BRIP1: variants seen among roughly 807,000 people sequenced by gnomAD.
BRIP1 encodes Fanconi anemia group J protein.
BRIP1 carries 88 observed loss-of-function variants against 119.7 expected under a neutral mutation model. The observed-to-expected ratio is 0.74, with a 90% CI of 0.62 to 0.88. BRIP1 has a LOEUF of 0.88. BRIP1 is among the 40% of genes least tolerant of loss of function. The pLI, the probability that BRIP1 is intolerant of heterozygous loss-of-function variation, is 0.00. For synonymous variants in BRIP1, 443 were observed against 496.5 expected, an observed-to-expected ratio of 0.89 and a Z score of 1.43; for missense variants, 1,259 against 1,455.4, an observed-to-expected ratio of 0.87 and a Z score of 2.20.
At position 61,686,256 on chromosome 17, in the gene BRIP1, G is replaced by T; in HGVS notation, c.2576-91C>A. 2 of 1,183,736 alleles carry T rather than the reference G, an allele frequency of 1.7e-6. No homozygotes were observed. Among genetic ancestry groups the T allele is most frequent in the Non-Finnish European group, 2.5e-6 (2 of 800,414 alleles). The allele number at this position is 1,183,736 out of a possible 1,614,324, so 73.3% of individuals were successfully genotyped here. A position where few individuals can be genotyped will look rare whatever the true frequency, so the allele number is the denominator to read the frequency against. On this transcript the variant is annotated intron_variant, in intron 18 of 19. Transcript: ENST00000259008. This position sits in a 1 kb window ranked among gnomAD's most constrained non-coding sequence, Gnocchi z 5.4. ...TAATACACTTGCTTTTTCTAGTGAA[G>T]TAACCTAATTTGTATTTTGAATATA...
rs1461970263 is a variant in BRIP1 at position 61,725,910 on chromosome 17, T to C, written c.2380-9847A>G. ...CCAAAGCTGTGGGATTAAGGTGTTA[T>C]CCACCATGCCTGGCCTAAAAAATTC... On this transcript the variant is annotated intron_variant, in intron 16 of 19. Coordinates refer to ENST00000259008, the MANE Select transcript of BRIP1 (RefSeq NM_032043.3). The surrounding 1 kb of genome is among the most constrained non-coding windows in gnomAD (Gnocchi z 5.3). 6.6e-6 allele frequency among the ~76,000 whole-genome samples: 1 copy of C among 152,186 alleles called. No individual in the cohort carries two copies. The highest frequency in any genetic ancestry group is 1.5e-5 in the Non-Finnish European group (1 of 68,016).
rs576876875 is a variant in BRIP1 at position 61,808,842 on chromosome 17, A to G, written c.628-85T>C. The G allele has an allele frequency of 7.6e-7, 1 of 1,320,422 alleles. No homozygotes were observed. Among genetic ancestry groups the G allele is most frequent in the South Asian group, 1.2e-5 (1 of 81,588 alleles). The allele number at this position is 1,320,422 out of a possible 1,614,324, so 81.8% of individuals were successfully genotyped here. ...ACCTCACATGGAATCAGAACCTGTA[A>G]GTAATGAATCACAATGGTCAAATAA... On this transcript the variant is annotated intron_variant, in intron 6 of 19. Coordinates refer to ENST00000259008, the MANE Select transcript of BRIP1 (RefSeq NM_032043.3). This position sits in a 1 kb window ranked among gnomAD's most constrained non-coding sequence, Gnocchi z 4.1.
At position 61,683,060 on chromosome 17, in the gene BRIP1, G is replaced by A. The variant is rs1178725210; in HGVS notation, c.*236C>T. On this transcript the variant is annotated 3_prime_UTR_variant, in exon 20 of 20. Coordinates refer to ENST00000259008, the MANE Select transcript of BRIP1 (RefSeq NM_032043.3). This position sits in a 1 kb window ranked among gnomAD's most constrained non-coding sequence, Gnocchi z 4.7. ...GGCAGGAGAATCACTTGAACCTGGA[G>A]GTGAAGGTTGCAGTGAGCCCAGAGC... The A allele has an allele frequency of 6.5e-6, 3 of 464,370 alleles. No homozygotes were observed. Among genetic ancestry groups the A allele is most frequent in the Non-Finnish European group, 7.6e-6 (2 of 261,500 alleles). The allele number at this position is 464,370 out of a possible 1,614,324, so 28.8% of individuals were successfully genotyped here. A position where few individuals can be genotyped will look rare whatever the true frequency, so the allele number is the denominator to read the frequency against.
Position 61,688,407 on chromosome 17 carries a change from G to A in BRIP1, c.2576-2242C>T, listed in dbSNP as rs1041012466. Among the ~76,000 whole-genome samples the A allele has an allele frequency of 6.6e-5, 10 of 152,238 alleles. No individual in the cohort carries two copies. In the South Asian group the frequency reaches 2.1e-3, roughly 32 times the overall value. On this transcript the variant is annotated intron_variant, in intron 18 of 19. Transcript: ENST00000259008. Reference sequence around the variant, plus strand: ...GAGGTGGGAGAATCCCTTGAACCCAGGAAGCCGAGGCTGCAATGAGCTGAG... The same window carrying A: ...GAGGTGGGAGAATCCCTTGAACCCAAGAAGCCGAGGCTGCAATGAGCTGAG...
intron 10 of BRIP1, among the ~76,000 whole-genome samples, chr17:61,785,419 G>T (rs766896473): frequency 1.3e-5 from 2 of 152,116 alleles, no homozygotes; most frequent in Non-Finnish European, 2.9e-5. Context: ...AGCAATAAAA[G>T]ATATTGGTGA....
rs1432963368 is a variant in BRIP1 at position 61,860,372 on chromosome 17, A to G, written c.94-465T>C. On this transcript the variant is annotated intron_variant, in intron 2 of 19. Transcript: ENST00000259008. This position sits in a 1 kb window ranked among gnomAD's most constrained non-coding sequence, Gnocchi z 4.1. ...CCCACATGAACACAAGGAAACATGC[A>G]TAAGAAAGTTCACAGCAGCAGCCAC... 6.6e-6 allele frequency among the ~76,000 whole-genome samples: 1 copy of G among 152,238 alleles called. No individual in the cohort carries two copies. Among genetic ancestry groups the G allele is most frequent in the Admixed American group, 6.5e-5 (1 of 15,288 alleles).
At chr17:61,766,424 A>C (rs1237982888) in intron 14 of BRIP1, among the ~76,000 whole-genome samples, 2 of 152,222 alleles carry the variant, frequency 1.3e-5, no homozygotes, top group South Asian at 2.1e-4. Flanking sequence ...TTAACACTGT[A>C]GAAAAAAATA....
In BRIP1 at chr17:61,746,014, C is replaced by T. The variant is rs2077053636; in HGVS notation, c.2098-1423G>A. ...CACTTGTTATATACTATGAGTTCTA[C>T]ACAATTTGGACAAGTTATTATAAGA... On this transcript the variant is annotated intron_variant, in intron 14 of 19. Transcript: ENST00000259008. The surrounding 1 kb of genome is among the most constrained non-coding windows in gnomAD (Gnocchi z 4.9). Among the ~76,000 whole-genome samples the T allele has an allele frequency of 6.6e-6, 1 of 152,226 alleles. No homozygotes were observed. The highest frequency in any genetic ancestry group is 2.1e-4 in the South Asian group (1 of 4,822).
At position 61,744,457 on chromosome 17, in the gene BRIP1, G is replaced by A. The variant is rs374362388; in HGVS notation, c.2232C>T (p.Asp744=). The change falls in exon 15 of 20, where the codon GAC becomes GAT. Residue 744 remains aspartate (D), a synonymous_variant. Coordinates refer to ENST00000259008, the MANE Select transcript of BRIP1 (RefSeq NM_032043.3). The surrounding 1 kb of genome is among the most constrained non-coding windows in gnomAD (Gnocchi z 5.0). ...CTTTCTCTCCTTTGTATTTGATTGC[G>A]TCATAGTACACCTGCAGTAATTCAT... The part of the protein sequence containing the change: ...NFDELLQVYY[D]AIKYKGEKDG... 6.1e-5 allele frequency: 98 copies of A among 1,613,654 alleles called. 1 individual carries two copies. The highest frequency in any genetic ancestry group is 5.0e-4 in the Middle Eastern group (3 of 6,056).
intron 14 of BRIP1, among the ~76,000 whole-genome samples, chr17:61,763,135 G>C (rs558011050): frequency 1.0e-3 from 157 of 152,056 alleles, no homozygotes; most frequent in Non-Finnish European, 1.9e-3. Flanking sequence ...ACTACTCTAA[G>C]TACCTCATAT....
intron 11 of BRIP1, 75 bp from the exon 12 acceptor site, chr17:61,781,080 C>T (rs1485601602): frequency 2.1e-6 from 3 of 1,397,192 alleles, no homozygotes; most frequent in Non-Finnish European, 3.0e-6. Flanking sequence ...AATATAAAAA[C>T]TGATTACATT....
chr17:61,784,879 C>A (rs1164834881), intron 10 of BRIP1, among the ~76,000 whole-genome samples: 1 of 152,188 alleles, frequency 6.6e-6, no homozygotes, highest in Non-Finnish European at 1.5e-5. Flanking sequence ...GTACAAGCTG[C>A]AGAACTGTGA....
In BRIP1 at chr17:61,735,516, C is replaced by T. The variant is rs188521577; in HGVS notation, c.2379+7497G>A. 2.6e-5 allele frequency among the ~76,000 whole-genome samples: 4 copies of T among 151,644 alleles called. No individual in the cohort carries two copies. The highest frequency in any genetic ancestry group is 4.4e-5 in the Non-Finnish European group (3 of 67,958). On this transcript the variant is annotated intron_variant, in intron 16 of 19. Coordinates refer to ENST00000259008, the MANE Select transcript of BRIP1 (RefSeq NM_032043.3). The surrounding 1 kb of genome is among the most constrained non-coding windows in gnomAD (Gnocchi z 4.4). ...CAAGAGTACACCTTAGGGCTAGGCACGGTGGCTCACACTTGTAATCCCAGC... is the reference window on the plus strand; with the variant it reads ...CAAGAGTACACCTTAGGGCTAGGCATGGTGGCTCACACTTGTAATCCCAGC...
In BRIP1 at chr17:61,847,096, C is replaced by T. The variant is rs745727200; in HGVS notation, c.627+5G>A. 1.2e-6 allele frequency: 2 copies of T among 1,613,642 alleles called. No homozygotes were observed. The highest frequency in any genetic ancestry group is 1.7e-6 in the Non-Finnish European group (2 of 1,179,836). On this transcript the variant is annotated splice_donor_5th_base_variant and intron_variant, in intron 6 of 19. Transcript: ENST00000259008. ...TTAAAACTGAACAATGGCATTAATA[C>T]ATACTTTCTGTGGCGAAAAGGAGTT... is the stretch of plus-strand genomic sequence containing the variant.
chr17:61,744,312 C>T lies in BRIP1; in HGVS notation c.2257+120G>A. The T allele has an allele frequency of 8.9e-7, 1 of 1,120,912 alleles. No homozygotes were observed. Among genetic ancestry groups the T allele is most frequent in the Admixed American group, 2.3e-5 (1 of 43,316 alleles). 69.4% of individuals were successfully genotyped at this position (1,120,912 alleles called of 1,614,324 possible). A position where few individuals can be genotyped will look rare whatever the true frequency, so the allele number is the denominator to read the frequency against. On this transcript the variant is annotated intron_variant, in intron 15 of 19. Transcript: ENST00000259008. The surrounding 1 kb of genome is among the most constrained non-coding windows in gnomAD (Gnocchi z 5.0). The stretch of plus-strand genomic sequence containing the variant: ...CTTTACCCAATTTATTTTCTTTTCA[C>T]TCAGGATTATAATTTTTCTCTTAAG...
chr17:61,821,265 T>C (rs2078319678), intron 6 of BRIP1, among the ~76,000 whole-genome samples: 1 of 152,134 alleles, frequency 6.6e-6, no homozygotes, highest in African/African-American at 2.4e-5. Flanking sequence ...GTTACAGAGT[T>C]ACACCCTATG....
Position 61,739,721 on chromosome 17 carries a change from C to G in BRIP1, c.2379+3292G>C, listed in dbSNP as rs11652980. Among the ~76,000 whole-genome samples the G allele has an allele frequency of 0.035, 5,262 of 152,104 alleles. 145 individuals carry two copies. The highest frequency in any genetic ancestry group is 0.055 in the Non-Finnish European group (3,744 of 67,964). ...GTATGAGACCCTAACTGACTGTATC[C>G]TAGGGGGAGGGATATAGGTCATAAT... On this transcript the variant is annotated intron_variant, in intron 16 of 19. Coordinates refer to ENST00000259008, the MANE Select transcript of BRIP1 (RefSeq NM_032043.3). The surrounding 1 kb of genome is among the most constrained non-coding windows in gnomAD (Gnocchi z 6.0).
At chr17:61,792,655 G>A (rs996124446) in intron 10 of BRIP1, among the ~76,000 whole-genome samples, 1 of 152,118 alleles carries the variant, frequency 6.6e-6, no homozygotes, top group Admixed American at 6.6e-5. Flanking sequence ...GGTTGCCAAG[G>A]GTTTGGTGGG....
rs1020180846 is a variant in BRIP1 at position 61,734,048 on chromosome 17, T to TTATAC, written c.2379+8960_2379+8964dup. On this transcript the variant is annotated intron_variant, in intron 16 of 19. Transcript: ENST00000259008. This position sits in a 1 kb window ranked among gnomAD's most constrained non-coding sequence, Gnocchi z 5.2. ...CGAAGGAGAACTTTTCTATATACTATTATACTATACTATGCTAGGCAATAC... is the reference window on the plus strand; with the variant it reads ...CGAAGGAGAACTTTTCTATATACTATTATACTATACTATACTATGCTAGGCAATAC... Among the ~76,000 whole-genome samples the TTATAC allele has an allele frequency of 1.3e-4, 20 of 152,212 alleles. No homozygotes were observed. The highest frequency in any genetic ancestry group is 9.8e-4 in the Admixed American group (15 of 15,280).
Sources: gnomAD v4.1 joint callset for allele counts (sites outside exome capture counted in the v4.1 genomes callset) on GRCh38, gnomAD v4.1.1 for gene constraint, Gnocchi (gnomAD v3.1) non-coding constraint, MANE v1.5 for transcripts, NCBI Gene and HGNC (gene_info 2026-07-23, HGNC 2026-07-21) for gene names.